The following AHCTF1 variants were observed in gnomAD, a reference collection of about 807,000 sequenced individuals.
AHCTF1 encodes the protein protein ELYS.
A neutral mutation model predicts 248.4 loss-of-function variants in AHCTF1; 24 were observed. That is an observed-to-expected ratio of 0.10 (90% CI 0.07 to 0.14). AHCTF1 has a LOEUF of 0.14. Ranked by LOEUF, AHCTF1 falls within the 10% of genes least tolerant of loss-of-function variation. AHCTF1 has a pLI of 1.00. For missense variants in AHCTF1, 2,206 were observed against 2,636.2 expected (o/e 0.84, Z 3.57); for synonymous variants, 786 against 929.8 (o/e 0.85, Z 2.81).
chr1:246,842,192 T>C (rs1194085276), intron 35 of AHCTF1, among the ~76,000 whole-genome samples: 6 of 152,118 alleles, frequency 3.9e-5, no homozygotes, highest in African/African-American at 9.7e-5. Context: ...AGCCAGTGCT[T>C]GTAAATGCCC....
chr1:246,874,595 C>T (rs1166637028), intron 24 of AHCTF1, among the ~76,000 whole-genome samples: 2 of 152,054 alleles, frequency 1.3e-5, no homozygotes, highest in Non-Finnish European at 2.9e-5. Flanking sequence ...CCTTGGATTC[C>T]TTCCCTTCAC....
chr1:246,860,826 G>C (rs950946520), intron 29 of AHCTF1, 73 bp downstream of exon 29: 2 of 1,535,492 alleles, frequency 1.3e-6, no homozygotes, highest in Admixed American at 2.0e-5. Flanking sequence ...TTCTTATGGT[G>C]GAAAAAATTC....
intron 24 of AHCTF1, among the ~76,000 whole-genome samples, chr1:246,870,256 C>T (rs552758230): frequency 6.6e-6 from 1 of 152,102 alleles, no homozygotes; most frequent in South Asian, 2.1e-4. Flanking sequence ...ATAGCCTGGG[C>T]GACATAGTGA....
chr1:246,858,810 A>AT (rs1283626088), intron 29 of AHCTF1, among the ~76,000 whole-genome samples: 2 of 152,014 alleles, frequency 1.3e-5, no homozygotes, highest in Non-Finnish European at 2.9e-5. Flanking sequence ...AAAAAAAAAA[A>AT]AAAATAAATA....
chr1:246,852,494 TAAA>T (rs577654282), intron 32 of AHCTF1, among the ~76,000 whole-genome samples: 1 of 151,870 alleles, frequency 6.6e-6, no homozygotes, highest in Admixed American at 6.6e-5. Flanking sequence ...ATTTTTTTTT[TAAA>T]AAAACTAAGT....
At chr1:246,903,446 A>C (rs1287399103) in intron 7 of AHCTF1, among the ~76,000 whole-genome samples, 2 of 152,244 alleles carry the variant, frequency 1.3e-5, no homozygotes, top group Non-Finnish European at 1.5e-5. Flanking sequence ...TGAGAAGTTA[A>C]GAATGCTACC....
chr1:246,902,747 C>A, intron 7 of AHCTF1, 72 bp from the exon 8 acceptor site: 1 of 1,371,618 alleles, frequency 7.3e-7, no homozygotes, highest in Non-Finnish European at 9.7e-7. Flanking sequence ...AAATATTCTC[C>A]AAATTTAAAG....
intron 1 of AHCTF1, among the ~76,000 whole-genome samples, chr1:246,928,656 T>A (rs919070842): frequency 6.6e-6 from 1 of 152,214 alleles, no homozygotes; most frequent in African/African-American, 2.4e-5. Context: ...ATAAATCAGT[T>A]TTCTGTGTGA....
At chr1:246,864,999 A>C (rs1454282530) in intron 26 of AHCTF1, among the ~76,000 whole-genome samples, 1 of 152,172 alleles carries the variant, frequency 6.6e-6, no homozygotes, top group Non-Finnish European at 1.5e-5. Context: ...GGTTTTCCGT[A>C]ATGTCCTAGT....
chr1:246,915,673 T>C (rs1044217370), intron 3 of AHCTF1, among the ~76,000 whole-genome samples: 3 of 152,214 alleles, frequency 2.0e-5, no homozygotes, highest in Non-Finnish European at 4.4e-5. Context: ...CAGACCAAGT[T>C]CAATTTATTC....
chr1:246,891,077 A>C lies in AHCTF1; in HGVS notation c.1946-17T>G, dbSNP rs780077578. On this transcript the variant is annotated splice_polypyrimidine_tract_variant and intron_variant, in intron 15 of 35. Transcript: ENST00000648844. ...CTATCAGTCCTGTAAAGAAGAGTTA[A>C]CATCAGTTGTTTACTTACAAAAAAA... The C allele has an allele frequency of 6.7e-7, 1 of 1,496,892 alleles. No homozygotes were observed. Among genetic ancestry groups the C allele is most frequent in the Non-Finnish European group, 8.9e-7 (1 of 1,121,888 alleles). 92.7% of individuals were successfully genotyped at this position (1,496,892 alleles called of 1,614,324 possible).
At chr1:246,867,891 A>AACCC (rs1662107412) in intron 24 of AHCTF1, 80 bp from the exon 25 acceptor site, 1 of 316,852 alleles carries the variant, frequency 3.2e-6, no homozygotes, top group African/African-American at 7.3e-5. Context: ...GAATGATTAC[A>AACCC]CCCCCCCCCC....
intron 28 of AHCTF1, among the ~76,000 whole-genome samples, chr1:246,861,625 C>G (rs1192792708): frequency 6.6e-6 from 1 of 152,092 alleles, no homozygotes; most frequent in Non-Finnish European, 1.5e-5. Context: ...TTAGAAACAA[C>G]ACAATATAAG....
intron 1 of AHCTF1, among the ~76,000 whole-genome samples, chr1:246,929,988 G>A (rs140421518): frequency 0.028 from 4,200 of 151,792 alleles, 213 homozygotes; most frequent in African/African-American, 0.096. Context: ...GGAGACGGAG[G>A]TTGCAGTGAG....
chr1:246,905,239 C>A (rs929333768), intron 6 of AHCTF1, among the ~76,000 whole-genome samples: 1 of 152,160 alleles, frequency 6.6e-6, no homozygotes, highest in Non-Finnish European at 1.5e-5. Context: ...GTGACTCACA[C>A]CTGTAATCCC....
chr1:246,924,621 TTTATGTGAAAAAA>T (rs1230863675), intron 1 of AHCTF1, among the ~76,000 whole-genome samples: 34 of 152,210 alleles, frequency 2.2e-4, no homozygotes, highest in African/African-American at 7.9e-4. Context: ...CCCAAAAAAA[TTTATGTGAAAAAA>T]ACATTTCAAA....
rs1284941049 is a variant in AHCTF1 at position 246,864,694 on chromosome 1, G to A, written c.3348-578C>T. On this transcript the variant is annotated intron_variant, in intron 26 of 35. Transcript: ENST00000648844. ...ACTAAAAATACAAAAAAAAAAATTA[G>A]CCGGGCGCGGTGGCGGGCGCCTGTA... Among the ~76,000 whole-genome samples the A allele has an allele frequency of 3.5e-3, 114 of 32,984 alleles. 32 individuals carry two copies. The highest frequency in any genetic ancestry group is 5.2e-3 in the African/African-American group (8 of 1,528). 21.6% of individuals were successfully genotyped at this position (32,984 alleles called of 152,430 possible).
intron 29 of AHCTF1, among the ~76,000 whole-genome samples, chr1:246,858,087 G>A (rs532869171): frequency 6.6e-6 from 1 of 151,728 alleles, no homozygotes; most frequent in African/African-American, 2.4e-5. Flanking sequence ...CGCCCCCCGA[G>A]TAGCTGGCAC....
In AHCTF1 at chr1:246,850,371, C is replaced by T. The variant is rs752039964; in HGVS notation, c.5635G>A (p.Val1879Ile). The T allele has an allele frequency of 1.9e-6, 3 of 1,612,238 alleles. No individual in the cohort carries two copies. The highest frequency in any genetic ancestry group is 2.7e-5 in the African/African-American group (2 of 74,670). The change falls in exon 33 of 36, where the codon GTA (valine) becomes ATA (isoleucine). Residue 1879 changes from valine to isoleucine, a missense_variant. By Grantham distance (29) the Val-to-Ile change is conservative. This residue lies in a region of AHCTF1 where 469 missense variants were observed against 470.0 expected (regional missense o/e 1.00). Coordinates refer to ENST00000648844, the MANE Select transcript of AHCTF1 (RefSeq NM_001323342.2). ...ATTTCAACACTTTCCTGATTTTCTA[C>T]AGATCTTTTAATTCTTCTAGGAGTC... is the stretch of plus-strand genomic sequence containing the variant. ...KRTPRRIKRS[V>I]ENQESVEIIN... is the part of the protein sequence containing the mutation.
Sources: gnomAD v4.1 joint callset for allele counts (sites outside exome capture counted in the v4.1 genomes callset) on GRCh38, gnomAD v4.1.1 for gene constraint, gnomAD v4.1.1 regional missense constraint, MANE v1.5 for transcripts, NCBI Gene and HGNC (gene_info 2026-07-23, HGNC 2026-07-21) for gene names.